Variants in DPP10 observed in about 807,000 individuals in gnomAD.
DPP10 encodes dipeptidyl peptidase like 10, also known as inactive dipeptidyl peptidase 10.
Under a neutral mutation model 120.9 loss-of-function variants are expected in DPP10, and 33 were observed. The ratio of observed to expected loss-of-function variants is 0.27; its 90% CI spans 0.21 to 0.37. The LOEUF (loss-of-function observed/expected upper bound fraction) is 0.37. Among genes scored for constraint, DPP10 ranks in the 10% least tolerant of loss-of-function variants. The pLI is 1.00. For missense variants in DPP10, 816 were observed against 942.8 expected (o/e 0.87, Z 1.76); for synonymous variants, 337 against 326.1 (o/e 1.03, Z -0.36).
chr2:115,480,501 T>G (rs74926655), intron 3 of DPP10, among the ~76,000 whole-genome samples: 1 of 152,162 alleles, frequency 6.6e-6, no homozygotes, highest in Non-Finnish European at 1.5e-5. Context: ...GCTTGTTGGT[T>G]CTATCAGAAC....
At position 115,575,567 on chromosome 2, in the gene DPP10, T is replaced by G. The variant is rs572444854; in HGVS notation, c.441+49595T>G. The stretch of plus-strand genomic sequence containing the variant: ...GCTAGCTCTGGCTGAATTCAATTTG[T>G]GTTCAGAACTGCCCGAAGCAGAATT... On this transcript the variant is annotated intron_variant, in intron 5 of 25. Coordinates refer to ENST00000410059, the MANE Select transcript of DPP10 (RefSeq NM_020868.6). Among the ~76,000 whole-genome samples the G allele has an allele frequency of 4.6e-5, 7 of 152,294 alleles. No homozygotes were observed. In the East Asian group the frequency reaches 1.4e-3, roughly 29 times the overall value.
intron 17 of DPP10, among the ~76,000 whole-genome samples, chr2:115,784,707 A>T (rs1683142290): frequency 6.6e-6 from 1 of 151,962 alleles, no homozygotes; most frequent in African/African-American, 2.4e-5. Flanking sequence ...CTAATTTTGT[A>T]TTTTTAGTAG....
intron 1 of DPP10, among the ~76,000 whole-genome samples, chr2:115,068,419 T>C (rs1295946944): frequency 6.6e-6 from 1 of 152,194 alleles, no homozygotes; most frequent in Non-Finnish European, 1.5e-5. Context: ...TTAATTAGGT[T>C]ATTTGTTTTT....
chr2:114,584,552 C>A (rs551709349), intron 1 of DPP10, among the ~76,000 whole-genome samples: 17 of 114,692 alleles, frequency 1.5e-4, no homozygotes, highest in Middle Eastern at 6.4e-3. Context: ...CCCCTCCCCC[C>A]ACCCCACAAC....
intron 1 of DPP10, among the ~76,000 whole-genome samples, chr2:114,756,664 G>C (rs1048361886): frequency 6.6e-6 from 1 of 152,182 alleles, no homozygotes; most frequent in African/African-American, 2.4e-5. Flanking sequence ...TCCAAGAAGA[G>C]CATGGGACGT....
At chr2:114,617,365 A>T (rs1007503205) in intron 1 of DPP10, among the ~76,000 whole-genome samples, 15 of 152,176 alleles carry the variant, frequency 9.9e-5, no homozygotes, top group African/African-American at 3.1e-4. Flanking sequence ...TAGAGTTTAT[A>T]GCTTATATGT....
chr2:114,558,418 G>A (rs752312939), intron 1 of DPP10, among the ~76,000 whole-genome samples: 14 of 152,204 alleles, frequency 9.2e-5, no homozygotes, highest in Non-Finnish European at 1.8e-4. Context: ...GCCCTTCCCA[G>A]GGCCCTACAC....
At chr2:115,603,967 A>G (rs1335382014) in intron 5 of DPP10, among the ~76,000 whole-genome samples, 1 of 152,132 alleles carries the variant, frequency 6.6e-6, no homozygotes, top group African/African-American at 2.4e-5. Flanking sequence ...AACCAACAGA[A>G]CATGTGTTAT....
chr2:115,171,730 A>C (rs182922094), intron 1 of DPP10, among the ~76,000 whole-genome samples: 332 of 144,662 alleles, frequency 2.3e-3, no homozygotes, highest in Non-Finnish European at 3.9e-3. Context: ...AAAAAAAAAC[A>C]AAAAAAAAAC....
At chr2:114,555,025 T>C (rs1688177128) in intron 1 of DPP10, among the ~76,000 whole-genome samples, 1 of 152,180 alleles carries the variant, frequency 6.6e-6, no homozygotes, top group Non-Finnish European at 1.5e-5. Context: ...GTTGGGAGAA[T>C]GCTGAAAAAG....
intron 1 of DPP10, among the ~76,000 whole-genome samples, chr2:114,609,506 G>C (rs1291612269): frequency 2.6e-5 from 4 of 152,140 alleles, no homozygotes; most frequent in African/African-American, 9.7e-5. Context: ...ACACACAGAT[G>C]GGACAAGAGT....
At chr2:115,725,890 A>G (rs776070266) in intron 7 of DPP10, among the ~76,000 whole-genome samples, 13 of 152,188 alleles carry the variant, frequency 8.5e-5, no homozygotes, top group South Asian at 2.1e-4. Flanking sequence ...TGTAAAGCTT[A>G]TGCTTTAGTT....
chr2:115,039,869 A>T (rs1573397790), intron 1 of DPP10, among the ~76,000 whole-genome samples: 1 of 152,024 alleles, frequency 6.6e-6, no homozygotes, highest in South Asian at 2.1e-4. Flanking sequence ...GGGGTGAAAC[A>T]CCACACCCAG....
intron 3 of DPP10, among the ~76,000 whole-genome samples, chr2:115,392,776 A>G (rs1405579759): frequency 1.3e-5 from 2 of 152,152 alleles, no homozygotes; most frequent in African/African-American, 4.8e-5. Flanking sequence ...AGACAGATTA[A>G]TTCTTTATAT....
intron 1 of DPP10, among the ~76,000 whole-genome samples, chr2:114,536,442 G>C: frequency 8.6e-6 from 1 of 116,058 alleles, no homozygotes; most frequent in East Asian, 2.5e-4. Flanking sequence ...GTCTCGCTCT[G>C]TCACCCCGGC....
At chr2:115,623,088 G>A (rs1160798596) in intron 5 of DPP10, among the ~76,000 whole-genome samples, 1 of 151,832 alleles carries the variant, frequency 6.6e-6, no homozygotes, top group East Asian at 1.9e-4. Flanking sequence ...CTCGTGATCC[G>A]CCCGCCTCGG....
At chr2:115,380,797 C>G (rs529593353) in intron 3 of DPP10, among the ~76,000 whole-genome samples, 2 of 152,102 alleles carry the variant, frequency 1.3e-5, no homozygotes, top group South Asian at 4.2e-4. Flanking sequence ...TATTTTATTT[C>G]TCCTTCACTT....
chr2:115,160,891 G>T (rs1054295693), intron 1 of DPP10, among the ~76,000 whole-genome samples: 5 of 152,200 alleles, frequency 3.3e-5, no homozygotes, highest in Admixed American at 6.5e-5. Flanking sequence ...TCTCCCCTGC[G>T]ACCCTCTCTC....
chr2:115,119,143 T>C (rs1472975114), intron 1 of DPP10, among the ~76,000 whole-genome samples: 4 of 152,132 alleles, frequency 2.6e-5, no homozygotes, highest in African/African-American at 9.7e-5. Flanking sequence ...AGGGGCCTGG[T>C]AGTACTTAGG....
Sources: allele counts gnomAD v4.1 joint callset (sites outside exome capture counted in the v4.1 genomes callset), GRCh38; gene constraint gnomAD v4.1.1; transcripts MANE v1.5; gene names NCBI Gene and HGNC (gene_info 2026-07-23, HGNC 2026-07-21).